The following DBF4B variants were observed in gnomAD, a reference collection of about 807,000 sequenced individuals.
DBF4B encodes DBF4B-CDC7 kinase regulatory subunit.
A neutral mutation model predicts 53.4 loss-of-function variants in DBF4B; 49 were observed. The observed-to-expected ratio is 0.92, with a 90% CI of 0.73 to 1.16. DBF4B has a LOEUF of 1.16. Among genes scored for constraint, DBF4B ranks in the 50% most tolerant of loss-of-function variants. DBF4B has a pLI of 0.00. For synonymous variants in DBF4B, 257 were observed against 288.7 expected, an observed-to-expected ratio of 0.89 and a Z score of 1.11; for missense variants, 692 against 775.0, an observed-to-expected ratio of 0.89 and a Z score of 1.27.
At chr17:44,741,689 G>T (rs967107182) in intron 10 of DBF4B, among the ~76,000 whole-genome samples, 3 of 152,122 alleles carry the variant, frequency 2.0e-5, no homozygotes, top group Non-Finnish European at 2.9e-5. Flanking sequence ...GGTTGTGAAG[G>T]GCACCCCCTT....
At chr17:44,713,197 G>T (rs1973047997) in intron 2 of DBF4B, among the ~76,000 whole-genome samples, 1 of 149,904 alleles carries the variant, frequency 6.7e-6, no homozygotes, top group Non-Finnish European at 1.5e-5. Context: ...CCACGACCAG[G>T]CCCGGCTAAT....
intron 2 of DBF4B, among the ~76,000 whole-genome samples, chr17:44,722,400 C>T (rs1340859780): frequency 6.6e-6 from 1 of 152,194 alleles, no homozygotes; most frequent in Non-Finnish European, 1.5e-5. Context: ...GCATATTCGC[C>T]CTAAGCTAGG....
intron 11 of DBF4B, 55 bp from the exon 12 acceptor site, chr17:44,747,336 T>G (rs2049131223): frequency 1.2e-6 from 2 of 1,607,038 alleles, no homozygotes; most frequent in Admixed American, 3.3e-5. Context: ...AGCTTCCGTG[T>G]CCCCCTCCCC....
At chr17:44,748,099 C>G (rs965521443) in intron 12 of DBF4B, among the ~76,000 whole-genome samples, 1 of 152,228 alleles carries the variant, frequency 6.6e-6, no homozygotes, top group African/African-American at 2.4e-5. Context: ...AATGGAATAG[C>G]CTCTAACCTA....
chr17:44,708,794 C>T lies in DBF4B; in HGVS notation c.-27C>T. On this transcript the variant is annotated 5_prime_UTR_variant, in exon 1 of 14. It adds an upstream start codon to the 5' untranslated region. Transcript: ENST00000315005. ...TACGGAGGCCTCTGAGGAAGGAGTA[C>T]GGAGGCCGAGAAGGAGCCGGCATTT... The T allele has an allele frequency of 6.5e-7, 1 of 1,550,168 alleles. No individual in the cohort carries two copies. The highest frequency in any genetic ancestry group is 1.2e-5 in the South Asian group (1 of 83,824).
At chr17:44,736,368 AC>A (rs1229667021) in intron 7 of DBF4B, among the ~76,000 whole-genome samples, 1 of 152,156 alleles carries the variant, frequency 6.6e-6, no homozygotes, top group Non-Finnish European at 1.5e-5. Context: ...ACAAGATAGG[AC>A]ATAGGAAAGC....
Position 44,747,423 on chromosome 17 carries a change from C to T in DBF4B, c.972C>T (p.Ala324=), listed in dbSNP as rs2049135774. Residue 324 remains alanine, a synonymous_variant, in exon 12 of 14, where the codon GCC becomes GCT. Coordinates refer to ENST00000315005, the MANE Select transcript of DBF4B (RefSeq NM_145663.3). ...HLQSAQHRSF[A]LEAHLYAEVD... ...AGAGTGCCCAGCACCGGAGCTTTGC[C>T]CTGGAAGCCCATCTATATGCAGAAG... The T allele has an allele frequency of 6.2e-7, 1 of 1,614,044 alleles. No homozygotes were observed. The highest frequency in any genetic ancestry group is 1.3e-5 in the African/African-American group (1 of 74,934).
intron 3 of DBF4B, among the ~76,000 whole-genome samples, chr17:44,727,907 G>A (rs1432292165): frequency 1.5e-5 from 2 of 137,502 alleles, no homozygotes; most frequent in Non-Finnish European, 3.1e-5. Flanking sequence ...TAGTGAAGAC[G>A]AAGTTTCACC....
intron 2 of DBF4B, among the ~76,000 whole-genome samples, chr17:44,717,043 C>T (rs1428363728): frequency 6.6e-6 from 1 of 152,072 alleles, no homozygotes; most frequent in Non-Finnish European, 1.5e-5. Flanking sequence ...AACAGAAGTT[C>T]TTGTATTCAT....
intron 10 of DBF4B, among the ~76,000 whole-genome samples, chr17:44,745,447 A>G (rs977729863): frequency 6.6e-5 from 10 of 152,156 alleles, no homozygotes; most frequent in African/African-American, 2.2e-4. Flanking sequence ...ATGGCTGGGG[A>G]GGCCTCAGGA....
At chr17:44,744,083 C>CA (rs1448485493) in intron 10 of DBF4B, among the ~76,000 whole-genome samples, 2 of 15,946 alleles carry the variant, frequency 1.3e-4, no homozygotes, top group Non-Finnish European at 3.2e-4. Flanking sequence ...ATGAGACCAC[C>CA]CCCCCCCCCC....
At chr17:44,748,231 C>G (rs570108965) in intron 12 of DBF4B, 110 bp from the exon 13 acceptor site, 74 of 1,428,146 alleles carry the variant, frequency 5.2e-5, no homozygotes, top group African/African-American at 3.9e-4. Flanking sequence ...GAAGGCAGCT[C>G]TCTCGGCACA....
In DBF4B at chr17:44,749,302, C is replaced by T. The variant is rs1192143935; in HGVS notation, c.1189+837C>T. The T allele has an allele frequency of 1.6e-6, 2 of 1,290,290 alleles. No individual in the cohort carries two copies. Among genetic ancestry groups the T allele is most frequent in the Non-Finnish European group, 1.0e-6 (1 of 988,868 alleles). The allele number at this position is 1,290,290 out of a possible 1,614,324, so 79.9% of individuals were successfully genotyped here. Reference sequence around the variant, plus strand: ...GCCCCAGCCCCATGCTGGCAGAGAGCTGCTCCTACGAGTCCCCAAGGTGCT... The same window carrying T: ...GCCCCAGCCCCATGCTGGCAGAGAGTTGCTCCTACGAGTCCCCAAGGTGCT... On this transcript the variant is annotated intron_variant, in intron 13 of 13. Transcript: ENST00000315005. The surrounding 1 kb of genome is among the most constrained non-coding windows in gnomAD (Gnocchi z 4.4).
chr17:44,743,381 A>T, intron 10 of DBF4B, among the ~76,000 whole-genome samples: 2 of 152,322 alleles, frequency 1.3e-5, no homozygotes, highest in East Asian at 1.9e-4. Flanking sequence ...AAAAATTTTT[A>T]AATTTAAAAA....
intron 2 of DBF4B, among the ~76,000 whole-genome samples, chr17:44,720,989 C>A (rs1973783524): frequency 6.6e-6 from 1 of 152,036 alleles, no homozygotes; most frequent in Non-Finnish European, 1.5e-5. Context: ...CCTCAGCCTC[C>A]CGAGTAGCTG....
At chr17:44,726,610 G>A (rs958493641) in intron 3 of DBF4B, among the ~76,000 whole-genome samples, 12 of 151,876 alleles carry the variant, frequency 7.9e-5, no homozygotes, top group African/African-American at 2.4e-4. Context: ...ACCTTAAAGC[G>A]TTAGCACTTT....
chr17:44,734,043 A>G lies in DBF4B; in HGVS notation c.557-47A>G, dbSNP rs76371968. 3.0e-4 allele frequency: 455 copies of G among 1,523,392 alleles called. 1 individual carries two copies. In the African/African-American group the frequency reaches 5.2e-3, roughly 17 times the overall value. 94.4% of individuals were successfully genotyped at this position (1,523,392 alleles called of 1,614,324 possible). ...GCCCAGGAAGGGGCTGTGCTAGGTAAGTGAAGACTGGAAGCCTTTGGCACA... is the reference window on the plus strand; with the variant it reads ...GCCCAGGAAGGGGCTGTGCTAGGTAGGTGAAGACTGGAAGCCTTTGGCACA... On this transcript the variant is annotated intron_variant, in intron 6 of 13. Transcript: ENST00000315005.
chr17:44,713,034 CTTTTTTT>C (rs979925867), intron 2 of DBF4B, among the ~76,000 whole-genome samples: 1 of 103,900 alleles, frequency 9.6e-6, no homozygotes, highest in African/African-American at 4.1e-5. Flanking sequence ...TTTGTATTGA[CTTTTTTT>C]TTTTTTTTTT....
At chr17:44,717,557 A>G (rs1172998399) in intron 2 of DBF4B, among the ~76,000 whole-genome samples, 1 of 151,948 alleles carries the variant, frequency 6.6e-6, no homozygotes, top group Non-Finnish European at 1.5e-5. Flanking sequence ...AAATACAAAA[A>G]AATTAGCTGG....
Sources: gnomAD v4.1 joint callset for allele counts (sites outside exome capture counted in the v4.1 genomes callset) on GRCh38, gnomAD v4.1.1 for gene constraint, Gnocchi (gnomAD v3.1) non-coding constraint, MANE v1.5 for transcripts, NCBI Gene and HGNC (gene_info 2026-07-23, HGNC 2026-07-21) for gene names.